ADA: variants seen among roughly 807,000 people sequenced by gnomAD.
The protein encoded by ADA is adenosine deaminase.
In ADA, 45 loss-of-function variants were observed where a neutral mutation model predicts 49.0. The observed-to-expected ratio is 0.92, with a 90% CI of 0.72 to 1.18. ADA has a LOEUF of 1.18. ADA is among the 50% of genes most tolerant of loss of function. The pLI is 0.00. For missense variants in ADA, 445 were observed against 472.5 expected, an observed-to-expected ratio of 0.94 and a Z score of 0.54; for synonymous variants, 173 against 184.2, an observed-to-expected ratio of 0.94 and a Z score of 0.49.
intron 1 of ADA, among the ~76,000 whole-genome samples, chr20:44,650,576 C>T (rs866245716): frequency 2.2e-4 from 33 of 151,772 alleles, no homozygotes; most frequent in African/African-American, 8.0e-4. Flanking sequence ...TACGGGAGTG[C>T]ACCACCACAC....
At chr20:44,632,934 T>C (rs1399928988) in intron 2 of ADA, among the ~76,000 whole-genome samples, 2 of 152,260 alleles carry the variant, frequency 1.3e-5, no homozygotes, top group Non-Finnish European at 2.9e-5. Flanking sequence ...CCTCAGGTGA[T>C]CCACCCGCCT....
At chr20:44,636,322 GGA>G (rs746428039) in intron 1 of ADA, 34 bp from the exon 2 acceptor site, 220 of 1,536,622 alleles carry the variant, frequency 1.4e-4, no homozygotes, top group African/African-American at 5.6e-4. Flanking sequence ...AGAGAGAAAG[GGA>G]GAGAGAGAAC....
intron 1 of ADA, among the ~76,000 whole-genome samples, chr20:44,637,404 G>A (rs758653822): frequency 5.3e-5 from 8 of 152,206 alleles, no homozygotes; most frequent in Non-Finnish European, 8.8e-5. Flanking sequence ...AGCCCCTGCC[G>A]CTCAGTCAGG....
At chr20:44,628,444 T>C (rs150778142) in intron 3 of ADA, among the ~76,000 whole-genome samples, 104 of 152,104 alleles carry the variant, frequency 6.8e-4, no homozygotes, top group African/African-American at 2.3e-3. Flanking sequence ...GGAGAATCCC[T>C]TAAACTGGGA....
Position 44,623,005 on chromosome 20 carries a change from A to C in ADA, c.678+2T>G, listed in dbSNP as rs1483349215. ...GACCCCATGGCCAGCCCAGGCCCTCACCTCTTTTACTACTTCGGCCGAGCC... is the reference window on the plus strand; with the variant it reads ...GACCCCATGGCCAGCCCAGGCCCTCCCCTCTTTTACTACTTCGGCCGAGCC... On this transcript the variant is annotated splice_donor_variant, in intron 7 of 11. Coordinates refer to ENST00000372874, the MANE Select transcript of ADA (RefSeq NM_000022.4). LOFTEE classifies it high-confidence loss of function. 6.2e-7 allele frequency: 1 copy of C among 1,613,946 alleles called. No homozygotes were observed. Among genetic ancestry groups the C allele is most frequent in the Non-Finnish European group, 8.5e-7 (1 of 1,180,006 alleles).
chr20:44,629,047 G>A lies in ADA; in HGVS notation c.218C>T (p.Ala73Val), dbSNP rs747528590. The A allele has an allele frequency of 1.2e-5, 19 of 1,614,072 alleles. No homozygotes were observed. Among genetic ancestry groups the A allele is most frequent in the East Asian group, 2.2e-5 (1 of 44,886 alleles). Residue 73 changes from alanine to valine, a missense_variant and splice_region_variant, in exon 3 of 12, where the codon GCG becomes GTG. Coordinates refer to ENST00000372874, the MANE Select transcript of ADA (RefSeq NM_000022.4). ...AKFDYYMPAI[A>V]GCREAIKRIA... Reference sequence around the variant, plus strand: ...GACCTGTGGGTTGGGGGCAACTCACGCGATAGCAGGCATGTAGTAGTCAAA... The same window carrying A: ...GACCTGTGGGTTGGGGGCAACTCACACGATAGCAGGCATGTAGTAGTCAAA...
intron 1 of ADA, among the ~76,000 whole-genome samples, chr20:44,645,357 CA>C (rs11480982): frequency 0.14 from 8,309 of 58,364 alleles, 190 homozygotes; most frequent in South Asian, 0.27. Flanking sequence ...GACTCCAGCT[CA>C]AAAAAAAAAA....
intron 1 of ADA, among the ~76,000 whole-genome samples, chr20:44,637,171 G>A (rs1040339031): frequency 6.6e-6 from 1 of 152,170 alleles, no homozygotes; most frequent in Non-Finnish European, 1.5e-5. Context: ...TTAGGCAACG[G>A]AAGATCTTTC....
At chr20:44,634,202 C>G (rs748030062) in intron 2 of ADA, among the ~76,000 whole-genome samples, 14 of 152,224 alleles carry the variant, frequency 9.2e-5, no homozygotes, top group Admixed American at 7.9e-4. Flanking sequence ...ATCTTGGTGC[C>G]CCACTGAACG....
Position 44,621,103 on chromosome 20 carries a change from G to T in ADA, c.890C>A (p.Pro297Gln), listed in dbSNP as rs121908718. 2.4e-5 allele frequency: 39 copies of T among 1,614,020 alleles called. No homozygotes were observed. The Admixed American group carries it at 5.7e-4, about 23-fold the overall frequency. Residue 297 changes from proline (P) to glutamine (Q), a missense_variant, in exon 10 of 12, where the codon CCG (proline) becomes CAG (glutamine). Coordinates refer to ENST00000372874, the MANE Select transcript of ADA (RefSeq NM_000022.4). ...GTCCAGGGTGGACTTGAAGATGAGC[G>T]GGTCATCTGTGTTGAGCGAGTAGTT... ...QANYSLNTDD[P>Q]LIFKSTLDTD...
chr20:44,634,664 G>C (rs1332292147), intron 2 of ADA, among the ~76,000 whole-genome samples: 2 of 152,248 alleles, frequency 1.3e-5, no homozygotes, highest in Non-Finnish European at 2.9e-5. Flanking sequence ...CAGTTAAATA[G>C]GAATTAAATC....
Position 44,622,929 on chromosome 20 carries a change from G to A in ADA, c.680C>T (p.Ala227Val). 1.2e-6 allele frequency: 2 copies of A among 1,614,258 alleles called. No homozygotes were observed. The highest frequency in any genetic ancestry group is 8.5e-7 in the Non-Finnish European group (1 of 1,180,044). ...EVGSAEVVKE[A>V]VDILKTERLG... ...CCGCTCTGTCTTGAGTATGTCCACAGCCTGTAGAGAAGCAGAATAGAGCCA... is the reference window on the plus strand; with the variant it reads ...CCGCTCTGTCTTGAGTATGTCCACAACCTGTAGAGAAGCAGAATAGAGCCA... Residue 227 changes from alanine (A) to valine (V), a missense_variant and splice_region_variant, in exon 8 of 12, where the codon GCT becomes GTT. Ala to Val is a moderately conservative substitution (Grantham distance 64). Transcript: ENST00000372874.
intron 2 of ADA, among the ~76,000 whole-genome samples, chr20:44,630,625 G>T (rs1032899437): frequency 6.6e-6 from 1 of 152,160 alleles, no homozygotes; most frequent in Non-Finnish European, 1.5e-5. Context: ...CCTCCACAAA[G>T]TAGAACAAAA....
chr20:44,619,875 G>C, intron 11 of ADA, 28 bp from the exon 12 acceptor site: 1 of 1,614,144 alleles, frequency 6.2e-7, no homozygotes, highest in Non-Finnish European at 8.5e-7. Context: ...GAAGCAAAAA[G>C]ATCAGGCAAC....
Position 44,619,737 on chromosome 20 carries a change from A to G in ADA, c.*97T>C, listed in dbSNP as rs2065309507. The G allele has an allele frequency of 2.3e-5, 35 of 1,507,372 alleles. No homozygotes were observed. The highest frequency in any genetic ancestry group is 4.1e-5 in the African/African-American group (3 of 72,660). 93.4% of individuals were successfully genotyped at this position (1,507,372 alleles called of 1,614,324 possible). On this transcript the variant is annotated 3_prime_UTR_variant, in exon 12 of 12. Transcript: ENST00000372874. ...GGAGCATCAGTAACTGACTATTGAG[A>G]TCATGGTCTTCTTGGAAGGAATAAA... is the stretch of plus-strand genomic sequence containing the variant.
chr20:44,649,885 G>A (rs894882643), intron 1 of ADA, among the ~76,000 whole-genome samples: 3 of 152,038 alleles, frequency 2.0e-5, no homozygotes, highest in Non-Finnish European at 4.4e-5. Flanking sequence ...ACAGGCGCCC[G>A]CCACCATGCC....
intron 1 of ADA, among the ~76,000 whole-genome samples, chr20:44,647,908 C>A (rs568604486): frequency 6.6e-6 from 1 of 151,934 alleles, no homozygotes; most frequent in South Asian, 2.1e-4. Flanking sequence ...CAGAGTGAGA[C>A]TGCGGCACAC....
intron 1 of ADA, among the ~76,000 whole-genome samples, chr20:44,647,738 G>A (rs2065605705): frequency 1.3e-5 from 2 of 151,900 alleles, no homozygotes; most frequent in Admixed American, 1.3e-4. Flanking sequence ...CTAACGTGGT[G>A]AAACCCTGTC....
At chr20:44,625,490 G>T in intron 5 of ADA, 79 bp downstream of exon 5, 1 of 1,292,016 alleles carries the variant, frequency 7.7e-7, no homozygotes. Context: ...GGGAGATCAG[G>T]TACAGCCCCA....
Sources: allele counts gnomAD v4.1 joint callset (sites outside exome capture counted in the v4.1 genomes callset), GRCh38; gene constraint gnomAD v4.1.1; transcripts MANE v1.5; gene names NCBI Gene and HGNC (gene_info 2026-07-23, HGNC 2026-07-21).